The following UBA5 variants were observed in gnomAD, a reference collection of about 807,000 sequenced individuals.
UBA5 encodes the protein ubiquitin-like modifier-activating enzyme 5.
Under a neutral mutation model 52.9 loss-of-function variants are expected in UBA5, and 28 were observed. The observed-to-expected ratio is 0.53, with a 90% CI of 0.39 to 0.73. The LOEUF (loss-of-function observed/expected upper bound fraction) is 0.73, where lower values mean the gene tolerates loss of function less well. UBA5 is among the 30% of genes least tolerant of loss of function. UBA5 has a pLI of 0.00. For synonymous variants in UBA5, 135 were observed against 162.1 expected (o/e 0.83, Z 1.27); for missense variants, 388 against 492.7 (o/e 0.79, Z 2.01).
chr3:132,674,051 C>T (rs1168038759), intron 8 of UBA5, among the ~76,000 whole-genome samples: 1 of 152,168 alleles, frequency 6.6e-6, no homozygotes, highest in Non-Finnish European at 1.5e-5. Context: ...ACATTTGTAT[C>T]ATAGTTTAGG....
rs534537055 is a variant in UBA5 at position 132,675,115 on chromosome 3, G to A, written c.813-133G>A. 1.2e-5 allele frequency: 8 copies of A among 642,890 alleles called. No individual in the cohort carries two copies. In the South Asian group the frequency reaches 1.8e-4, roughly 15 times the overall value. The allele number at this position is 642,890 out of a possible 1,614,324, so 39.8% of individuals were successfully genotyped here. A position where few individuals can be genotyped will look rare whatever the true frequency, so the allele number is the denominator to read the frequency against. ...AATAAGATAAAATTTCTGTTTTCTG[G>A]ATGCAGATTTCTGTTTTCTGGTTAA... On this transcript the variant is annotated intron_variant, in intron 8 of 11. Transcript: ENST00000356232.
At position 132,660,828 on chromosome 3, in the gene UBA5, TTCCCAAATG is replaced by T; in HGVS notation, c.161+131_161+139del. ...CCCTTTTCTTGGTCTGCGAATCCTG[TTCCCAAATG>T]GGCAAGGCCACATCTTAGTACTGAT... On this transcript the variant is annotated intron_variant, in intron 1 of 11. Transcript: ENST00000356232. The surrounding 1 kb of genome is among the most constrained non-coding windows in gnomAD (Gnocchi z 4.1). 1 of 1,448,834 alleles carries T rather than the reference TTCCCAAATG, an allele frequency of 6.9e-7. No individual in the cohort carries two copies. Among genetic ancestry groups the T allele is most frequent in the Non-Finnish European group, 9.1e-7 (1 of 1,099,082 alleles). The allele number at this position is 1,448,834 out of a possible 1,614,324, so 89.7% of individuals were successfully genotyped here.
At chr3:132,671,652 G>A in intron 6 of UBA5, 125 bp from the exon 7 acceptor site, 1 of 683,398 alleles carries the variant, frequency 1.5e-6, no homozygotes, top group Non-Finnish European at 2.4e-6. Flanking sequence ...CTTACAACTT[G>A]CCTCATTTGT....
chr3:132,664,681 T>C (rs745419680), intron 1 of UBA5, among the ~76,000 whole-genome samples: 1 of 152,100 alleles, frequency 6.6e-6, no homozygotes, highest in African/African-American at 2.4e-5. Flanking sequence ...ATAGACACTT[T>C]AGAACTAGTG....
intron 3 of UBA5, among the ~76,000 whole-genome samples, chr3:132,666,497 CT>C (rs1938384707): frequency 6.6e-6 from 1 of 152,128 alleles, no homozygotes; most frequent in African/African-American, 2.4e-5. Context: ...AAAATTGGTA[CT>C]CTTTTACTTT....
At chr3:132,675,492 A>G in intron 9 of UBA5, 109 bp downstream of exon 9, 1 of 1,519,952 alleles carries the variant, frequency 6.6e-7, no homozygotes. Flanking sequence ...TACTTCAAAA[A>G]TGAATGTTCT....
At chr3:132,670,824 C>A in intron 5 of UBA5, 141 bp from the exon 6 acceptor site, 1 of 506,962 alleles carries the variant, frequency 2.0e-6, no homozygotes, top group Non-Finnish European at 3.5e-6. Flanking sequence ...TATATGATAT[C>A]TTTAATATTA....
intron 3 of UBA5, 123 bp downstream of exon 3, chr3:132,666,196 T>A (rs1938371806): frequency 1.3e-6 from 1 of 752,588 alleles, no homozygotes; most frequent in Non-Finnish European, 2.2e-6. Context: ...TAATCTAGAT[T>A]GTTCTTTCTA....
upstream of UBA5, among the ~76,000 whole-genome samples, chr3:132,656,645 C>T (rs1008430507): frequency 2.0e-5 from 3 of 152,046 alleles, no homozygotes; most frequent in Non-Finnish European, 2.9e-5. Flanking sequence ...CAGGTACCCA[C>T]CACCACACCC....
At chr3:132,668,765 A>G (rs1469341052) in intron 3 of UBA5, 53 bp from the exon 4 acceptor site, 1 of 1,118,620 alleles carries the variant, frequency 8.9e-7, no homozygotes, top group Non-Finnish European at 1.3e-6. Context: ...ATTTTTTGAT[A>G]TGTTTAGTTT....
chr3:132,671,107 C>T (rs1576647898), intron 6 of UBA5, 58 bp downstream of exon 6: 1 of 1,428,088 alleles, frequency 7.0e-7, no homozygotes, highest in East Asian at 2.3e-5. Flanking sequence ...CCTGTATATT[C>T]TATCAGTATA....
At position 132,675,421 on chromosome 3, in the gene UBA5, T is replaced by C. The variant is rs192626361; in HGVS notation, c.948+38T>C. On this transcript the variant is annotated intron_variant, in intron 9 of 11. Transcript: ENST00000356232. ...CTGTTAGAATGCATGAGGGATCATA[T>C]TGAATAGGACAATACATAAACAGAT... The C allele has an allele frequency of 6.7e-5, 108 of 1,606,178 alleles. 1 individual carries two copies. In the South Asian group the frequency reaches 8.0e-4, roughly 12 times the overall value.
At chr3:132,670,831 A>C (rs1481810102) in intron 5 of UBA5, 134 bp from the exon 6 acceptor site, 5 of 527,174 alleles carry the variant, frequency 9.5e-6, no homozygotes, top group African/African-American at 3.9e-5. Context: ...TATCTTTAAT[A>C]TTACATATTT....
upstream of UBA5, among the ~76,000 whole-genome samples, chr3:132,655,339 A>T (rs146247783): frequency 3.9e-5 from 6 of 152,250 alleles, no homozygotes; most frequent in Non-Finnish European, 7.4e-5. Flanking sequence ...GTTTGTTTAA[A>T]GATTACTTCC....
chr3:132,675,128 G>C (rs553008177), intron 8 of UBA5, 120 bp from the exon 9 acceptor site: 117 of 745,578 alleles, frequency 1.6e-4, no homozygotes, highest in Admixed American at 4.5e-4. Context: ...GCAGATTTCT[G>C]TTTTCTGGTT....
chr3:132,667,024 T>G (rs1163096168), intron 3 of UBA5, among the ~76,000 whole-genome samples: 1 of 152,118 alleles, frequency 6.6e-6, no homozygotes, highest in Non-Finnish European at 1.5e-5. Flanking sequence ...TTTATAGGTG[T>G]CAGGTGGACT....
At chr3:132,670,418 T>C (rs1938551112) in intron 5 of UBA5, 134 bp downstream of exon 5, 4 of 503,616 alleles carry the variant, frequency 7.9e-6, no homozygotes, top group Non-Finnish European at 1.4e-5. Flanking sequence ...ACAGCAATTT[T>C]TGTGTAATTT....
Position 132,679,759 on chromosome 3 carries a change from A to T in UBA5, c.*3233A>T, listed in dbSNP as rs1286108995. ...TATTAAATGACTTGTACCACTAAAT[A>T]ATCAAATTCTAAGCTCTAACAGCTT... On this transcript the variant is annotated 3_prime_UTR_variant, in exon 12 of 12. Transcript: ENST00000356232. 6.6e-6 allele frequency among the ~76,000 whole-genome samples: 1 copy of T among 152,214 alleles called. No homozygotes were observed. The highest frequency in any genetic ancestry group is 1.5e-5 in the Non-Finnish European group (1 of 68,042).
At position 132,679,249 on chromosome 3, in the gene UBA5, CAG is replaced by C. The variant is rs1390909030; in HGVS notation, c.*2726_*2727del. Among the ~76,000 whole-genome samples the C allele has an allele frequency of 6.6e-6, 1 of 151,802 alleles. No homozygotes were observed. Among genetic ancestry groups the C allele is most frequent in the Non-Finnish European group, 1.5e-5 (1 of 67,946 alleles). On this transcript the variant is annotated 3_prime_UTR_variant, in exon 12 of 12. Transcript: ENST00000356232. ...TGCCACTGCACTCCAGTCTGGAAAA[CAG>C]AGTGAGACTCTGTCTCAAAAAAAAA... is the stretch of plus-strand genomic sequence containing the variant.
Sources: allele counts gnomAD v4.1 joint callset (sites outside exome capture counted in the v4.1 genomes callset), GRCh38; gene constraint gnomAD v4.1.1; non-coding constraint Gnocchi (gnomAD v3.1); transcripts MANE v1.5; gene names NCBI Gene and HGNC (gene_info 2026-07-23, HGNC 2026-07-21).